The following WIF1 variants were observed in gnomAD, a reference collection of about 807,000 sequenced individuals.
WIF1 encodes Wnt inhibitory factor 1.
WIF1 carries 35 observed loss-of-function variants against 53.5 expected under a neutral mutation model. The observed-to-expected ratio is 0.65, with a 90% CI of 0.50 to 0.87. The LOEUF is 0.87. WIF1 is among the 40% of genes least tolerant of loss of function. WIF1 has a pLI of 0.00. For synonymous variants in WIF1, 171 were observed against 170.4 expected (o/e 1.00, Z -0.03); for missense variants, 467 against 476.8 (o/e 0.98, Z 0.19).
At chr12:65,067,274 T>A (rs962188422) in intron 5 of WIF1, among the ~76,000 whole-genome samples, 6 of 152,170 alleles carry the variant, frequency 3.9e-5, no homozygotes, top group African/African-American at 1.4e-4. Context: ...TTTTCATTTA[T>A]TTTTAAAAAT....
At chr12:65,081,366 G>A (rs1229666458) in intron 2 of WIF1, among the ~76,000 whole-genome samples, 5 of 152,116 alleles carry the variant, frequency 3.3e-5, no homozygotes, top group Admixed American at 2.6e-4. Flanking sequence ...ATATGGAACT[G>A]AAAAAATTCC....
At chr12:65,103,728 T>G (rs1022978369) in intron 2 of WIF1, among the ~76,000 whole-genome samples, 2 of 152,182 alleles carry the variant, frequency 1.3e-5, no homozygotes, top group Admixed American at 6.5e-5. Context: ...TATACATATA[T>G]GTACATGTAC....
At chr12:65,084,765 GT>G (rs1168290401) in intron 2 of WIF1, among the ~76,000 whole-genome samples, 1 of 152,168 alleles carries the variant, frequency 6.6e-6, no homozygotes, top group Non-Finnish European at 1.5e-5. Flanking sequence ...AGAACACATT[GT>G]TGTGGTAAAA....
chr12:65,088,911 G>C (rs6581607), intron 2 of WIF1, among the ~76,000 whole-genome samples: 149,080 of 152,234 alleles, frequency 0.98, 73,014 homozygotes, highest in East Asian at 1. Flanking sequence ...TCATCACATT[G>C]TCAAAAGAAT....
chr12:65,074,682 G>A (rs1169678849), intron 3 of WIF1, among the ~76,000 whole-genome samples: 2 of 151,696 alleles, frequency 1.3e-5, no homozygotes, highest in African/African-American at 2.4e-5. Flanking sequence ...GCCAGGCATG[G>A]TGGCATGCTC....
At chr12:65,061,038 A>G (rs1882603537) in intron 7 of WIF1, among the ~76,000 whole-genome samples, 1 of 152,208 alleles carries the variant, frequency 6.6e-6, no homozygotes, top group Non-Finnish European at 1.5e-5. Flanking sequence ...TGAACCAAGT[A>G]AGTGTGCAGA....
intron 9 of WIF1, among the ~76,000 whole-genome samples, chr12:65,052,809 T>C (rs184746273): frequency 1.2e-3 from 184 of 152,266 alleles, no homozygotes; most frequent in African/African-American, 4.1e-3. Flanking sequence ...CTGGCAGACC[T>C]GTCAGGAGGC....
intron 3 of WIF1, among the ~76,000 whole-genome samples, chr12:65,074,053 C>A (rs576769356): frequency 6.6e-6 from 1 of 152,116 alleles, no homozygotes; most frequent in Admixed American, 6.5e-5. Flanking sequence ...TTATAAAGAA[C>A]GTAAATTATT....
intron 3 of WIF1, among the ~76,000 whole-genome samples, chr12:65,070,431 A>G (rs1280834854): frequency 6.6e-6 from 1 of 152,208 alleles, no homozygotes; most frequent in Non-Finnish European, 1.5e-5. Flanking sequence ...CAATTTACAA[A>G]ACATTTATGA....
intron 7 of WIF1, among the ~76,000 whole-genome samples, chr12:65,058,088 G>C (rs1487778799): frequency 5.0e-5 from 3 of 60,476 alleles, no homozygotes; most frequent in Non-Finnish European, 3.1e-5. Context: ...CCAAAAGAAG[G>C]TCCTTTTTTT....
At chr12:65,113,709 T>C (rs1489628768) in intron 2 of WIF1, among the ~76,000 whole-genome samples, 1 of 152,224 alleles carries the variant, frequency 6.6e-6, no homozygotes, top group Admixed American at 6.5e-5. Context: ...ATGGGCTCTC[T>C]GCAGAATTAC....
At chr12:65,089,734 T>C (rs1225987802) in intron 2 of WIF1, among the ~76,000 whole-genome samples, 1 of 152,130 alleles carries the variant, frequency 6.6e-6, no homozygotes, top group African/African-American at 2.4e-5. Context: ...TTGACTTACC[T>C]CTCCAAGCTT....
rs1241730829 is a variant in WIF1 at position 65,121,299 on chromosome 12, C to T, written c.-108G>A. ...TGCAGCTCCCTCAGCCAGGGCTGTT[C>T]CCGTTTAGACGGCTGGGCGCGTCGC... On this transcript the variant is annotated 5_prime_UTR_variant, in exon 1 of 10. Coordinates refer to ENST00000286574, the MANE Select transcript of WIF1 (RefSeq NM_007191.5). 3 of 1,272,884 alleles carry T rather than the reference C, an allele frequency of 2.4e-6. No homozygotes were observed. The highest frequency in any genetic ancestry group is 4.0e-5 in the Admixed American group (1 of 24,814). The allele number at this position is 1,272,884 out of a possible 1,614,324, so 78.8% of individuals were successfully genotyped here. A position where few individuals can be genotyped will look rare whatever the true frequency, so the allele number is the denominator to read the frequency against.
At chr12:65,067,418 G>A (rs1882703443) in intron 5 of WIF1, among the ~76,000 whole-genome samples, 1 of 152,132 alleles carries the variant, frequency 6.6e-6, no homozygotes. Flanking sequence ...GATCAGTGGT[G>A]ATACTAGCTT....
At chr12:65,106,771 C>A (rs1427159484) in intron 2 of WIF1, among the ~76,000 whole-genome samples, 1 of 152,204 alleles carries the variant, frequency 6.6e-6, no homozygotes, top group African/African-American at 2.4e-5. Flanking sequence ...TGGATGAGCT[C>A]TGGAATCTCT....
At chr12:65,092,300 G>GGGGAAGGATAGCATTA (rs1245686152) in intron 2 of WIF1, among the ~76,000 whole-genome samples, 2 of 151,840 alleles carry the variant, frequency 1.3e-5, no homozygotes, top group African/African-American at 4.8e-5. Context: ...TGGGGGGCTA[G>GGGGAAGGATAGCATTA]GGGAAGGATA....
At chr12:65,066,880 TATATTA>T (rs1296485363) in intron 5 of WIF1, 144 bp from the exon 6 acceptor site, 1 of 450,990 alleles carries the variant, frequency 2.2e-6, no homozygotes, top group Non-Finnish European at 3.8e-6. Flanking sequence ...ACAAGTTTGC[TATATTA>T]ATATTATTTT....
intron 2 of WIF1, among the ~76,000 whole-genome samples, chr12:65,081,970 A>G (rs1405694180): frequency 6.6e-6 from 1 of 152,100 alleles, no homozygotes; most frequent in Non-Finnish European, 1.5e-5. Flanking sequence ...TTACTTTGCC[A>G]TTGTAAAGAA....
intron 2 of WIF1, chr12:65,083,914 C>G (rs1216342073): frequency 3.1e-6 from 1 of 325,418 alleles, no homozygotes; most frequent in Non-Finnish European, 5.9e-6. Flanking sequence ...TCATGGCTCA[C>G]TGTAGCCTCA....
Sources: gnomAD v4.1 joint callset for allele counts (sites outside exome capture counted in the v4.1 genomes callset) on GRCh38, gnomAD v4.1.1 for gene constraint, MANE v1.5 for transcripts, NCBI Gene and HGNC (gene_info 2026-07-23, HGNC 2026-07-21) for gene names.